The following NR2F6 variants were observed in gnomAD, a reference collection of about 807,000 sequenced individuals.
NR2F6 encodes nuclear receptor subfamily 2 group F member 6.
A neutral mutation model predicts 26.5 loss-of-function variants in NR2F6; 16 were observed. The observed-to-expected ratio is 0.60, with a 90% CI of 0.41 to 0.92. The LOEUF is 0.92. Among genes scored for constraint, NR2F6 ranks in the 40% least tolerant of loss-of-function variants. NR2F6 has a pLI of 0.00. For missense variants in NR2F6, 536 were observed against 631.7 expected (o/e 0.85, Z 1.62); for synonymous variants, 325 against 305.0 (o/e 1.07, Z -0.68).
rs938864779 is a variant in NR2F6 at position 17,236,458 on chromosome 19, C to T, written c.374-393G>A. On this transcript the variant is annotated intron_variant, in intron 2 of 3. Coordinates refer to ENST00000291442, the MANE Select transcript of NR2F6 (RefSeq NM_005234.4). ...GCCAGGCTGGTTAGAAAGTAAGAGT[C>T]CAGGAGTCCCTGTCTAGGTCCAGCC... Among the ~76,000 whole-genome samples, 6 of 151,978 alleles carry T rather than the reference C, an allele frequency of 3.9e-5. No individual in the cohort carries two copies. The East Asian group carries it at 1.2e-3, about 29-fold the overall frequency.
In NR2F6 at chr19:17,245,152, G is replaced by C; in HGVS notation, c.69C>G (p.Gly23=). Residue 23 remains glycine (G), a synonymous_variant, in exon 1 of 4, where the codon GGC becomes GGG. Coordinates refer to ENST00000291442, the MANE Select transcript of NR2F6 (RefSeq NM_005234.4). The surrounding 1 kb of genome is among the most constrained non-coding windows in gnomAD (Gnocchi z 5.0). ...GDTNGVDKAG[G]YPRAAEDDSA... ...AGTCGTCCTCGGCCGCGCGCGGGTAGCCGCCCGCCTTGTCCACGCCGTTCG... is the reference window on the plus strand; with the variant it reads ...AGTCGTCCTCGGCCGCGCGCGGGTACCCGCCCGCCTTGTCCACGCCGTTCG... 7.0e-7 allele frequency: 1 copy of C among 1,429,966 alleles called. No individual in the cohort carries two copies. Among genetic ancestry groups the C allele is most frequent in the Non-Finnish European group, 9.1e-7 (1 of 1,096,238 alleles). 88.6% of individuals were successfully genotyped at this position (1,429,966 alleles called of 1,614,324 possible).
At chr19:17,236,939 A>C (rs889032487) in intron 2 of NR2F6, among the ~76,000 whole-genome samples, 2 of 152,238 alleles carry the variant, frequency 1.3e-5, no homozygotes, top group African/African-American at 2.4e-5. Context: ...CATGAAGAGG[A>C]AGAGAGTTGG....
chr19:17,232,366 C>G lies in NR2F6; in HGVS notation c.1201G>C (p.Gly401Arg). 1 of 1,613,910 alleles carries G rather than the reference C, an allele frequency of 6.2e-7. No homozygotes were observed. The highest frequency in any genetic ancestry group is 8.5e-7 in the Non-Finnish European group (1 of 1,180,028). ...CCCCGTCATGGTCACTGGCCCGAGC[C>G]GTAGGGCCAGTTGAAGGTACTCCCC... The part of the protein sequence containing the change: ...LSGSTFNWPY[G>R]SGQ Residue 401 changes from glycine (G) to arginine (R), a missense_variant, in exon 4 of 4, where the codon GGC becomes CGC. Physicochemically the swap from Gly to Arg is moderately radical, Grantham distance 125. Transcript: ENST00000291442.
intron 3 of NR2F6, 29 bp from the exon 4 acceptor site, chr19:17,232,655 TGGGAGGCAGCTAGAG>T: frequency 6.6e-7 from 1 of 1,512,572 alleles, no homozygotes; most frequent in East Asian, 2.3e-5. Context: ...GTCAGACAGG[TGGGAGGCAGCTAGAG>T]AACACAGAGC....
intron 2 of NR2F6, among the ~76,000 whole-genome samples, chr19:17,239,774 A>T (rs2073459480): frequency 6.6e-6 from 1 of 151,932 alleles, no homozygotes; most frequent in Admixed American, 6.6e-5. Flanking sequence ...AGCTGAGATC[A>T]CACCACTGCA....
Position 17,232,070 on chromosome 19 carries a change from T to C in NR2F6, c.*282A>G. 2.3e-6 allele frequency: 1 copy of C among 438,458 alleles called. No homozygotes were observed. The highest frequency in any genetic ancestry group is 2.7e-5 in the South Asian group (1 of 37,574). 27.2% of individuals were successfully genotyped at this position (438,458 alleles called of 1,614,324 possible). ...CCAACCCCACCATCCCACAAGTTCATGCTAGGGGTGCTGAGGAACAAGGCT... is the reference window on the plus strand; with the variant it reads ...CCAACCCCACCATCCCACAAGTTCACGCTAGGGGTGCTGAGGAACAAGGCT... On this transcript the variant is annotated 3_prime_UTR_variant, in exon 4 of 4. Coordinates refer to ENST00000291442, the MANE Select transcript of NR2F6 (RefSeq NM_005234.4).
Position 17,235,398 on chromosome 19 carries a change from G to T in NR2F6, c.940+101C>A. On this transcript the variant is annotated intron_variant, in intron 3 of 3. Coordinates refer to ENST00000291442, the MANE Select transcript of NR2F6 (RefSeq NM_005234.4). The surrounding 1 kb of genome is among the most constrained non-coding windows in gnomAD (Gnocchi z 5.0). ...GTGCAGGGCCCCAGGCCTAGGGAGCGAGCGGGGCGCTATGGGGGCCGGAGT... is the reference window on the plus strand; with the variant it reads ...GTGCAGGGCCCCAGGCCTAGGGAGCTAGCGGGGCGCTATGGGGGCCGGAGT... 1 of 1,496,618 alleles carries T rather than the reference G, an allele frequency of 6.7e-7. No homozygotes were observed. Among genetic ancestry groups the T allele is most frequent in the South Asian group, 1.3e-5 (1 of 78,280 alleles). 92.7% of individuals were successfully genotyped at this position (1,496,618 alleles called of 1,614,324 possible).
At chr19:17,243,435 G>A (rs1410944524) in intron 1 of NR2F6, among the ~76,000 whole-genome samples, 1 of 152,118 alleles carries the variant, frequency 6.6e-6, no homozygotes, top group Non-Finnish European at 1.5e-5. Flanking sequence ...AACTGACACA[G>A]CACAAACCTG....
At chr19:17,241,540 CT>C (rs988558046) in intron 1 of NR2F6, among the ~76,000 whole-genome samples, 2 of 152,220 alleles carry the variant, frequency 1.3e-5, no homozygotes, top group African/African-American at 4.8e-5. Flanking sequence ...AGGTCCAGGC[CT>C]TATTCTTCAA....
intron 1 of NR2F6, among the ~76,000 whole-genome samples, 191 bp downstream of exon 1, chr19:17,244,752 A>C (rs2073487712): frequency 6.6e-6 from 1 of 152,196 alleles, no homozygotes; most frequent in African/African-American, 2.4e-5. Context: ...GGAACCTGCA[A>C]CGATGTAGCG....
At chr19:17,239,392 T>C (rs1244912050) in intron 2 of NR2F6, among the ~76,000 whole-genome samples, 4 of 131,944 alleles carry the variant, frequency 3.0e-5, no homozygotes, top group South Asian at 4.9e-4. Flanking sequence ...CGCGGTGGCT[T>C]ACGCCTGTAA....
At chr19:17,243,577 C>A (rs1012936219) in intron 1 of NR2F6, among the ~76,000 whole-genome samples, 15 of 152,066 alleles carry the variant, frequency 9.9e-5, no homozygotes, top group Admixed American at 4.6e-4. Context: ...AGAGAGCAGG[C>A]GGTTTTCCAG....
intron 2 of NR2F6, among the ~76,000 whole-genome samples, chr19:17,239,913 C>A (rs1359101956): frequency 6.6e-6 from 1 of 152,168 alleles, no homozygotes; most frequent in Non-Finnish European, 1.5e-5. Context: ...GCCAGCCTGG[C>A]CCACGACACA....
At chr19:17,244,736 G>T (rs1022701118) in intron 1 of NR2F6, among the ~76,000 whole-genome samples, 1 of 146,840 alleles carries the variant, frequency 6.8e-6, no homozygotes, top group African/African-American at 2.5e-5. Context: ...ACCACCTGAT[G>T]GGGGGGGAAC....
chr19:17,238,496 G>A (rs1200336682), intron 2 of NR2F6, among the ~76,000 whole-genome samples: 1 of 152,172 alleles, frequency 6.6e-6, no homozygotes, highest in Non-Finnish European at 1.5e-5. Context: ...CCGTGCAAAG[G>A]ACCCGAGGCA....
Position 17,240,850 on chromosome 19 carries a change from C to T in NR2F6, c.279-85G>A, listed in dbSNP as rs1015032134. ...CCTATGAGCCGCCTTTGGAGGCTGCCCCTCAGAAATACTAGTAGGGGCCCT... is the reference window on the plus strand; with the variant it reads ...CCTATGAGCCGCCTTTGGAGGCTGCTCCTCAGAAATACTAGTAGGGGCCCT... On this transcript the variant is annotated intron_variant, in intron 1 of 3. Coordinates refer to ENST00000291442, the MANE Select transcript of NR2F6 (RefSeq NM_005234.4). The T allele has an allele frequency of 5.1e-6, 7 of 1,367,550 alleles. No individual in the cohort carries two copies. In the African/African-American group the frequency reaches 1.0e-4, roughly 20 times the overall value. 84.7% of individuals were successfully genotyped at this position (1,367,550 alleles called of 1,614,324 possible).
rs1004465125 is a variant in NR2F6, at chr19:17,245,746, G to C, written c.-526C>G. The C allele has an allele frequency of 6.9e-6, 1 of 145,686 alleles. No homozygotes were observed. Among genetic ancestry groups the C allele is most frequent in the Admixed American group, 6.8e-5 (1 of 14,704 alleles). 9.0% of individuals were successfully genotyped at this position (145,686 alleles called of 1,614,324 possible). On this transcript the variant is annotated 5_prime_UTR_variant, in exon 1 of 4. Transcript: ENST00000291442. The surrounding 1 kb of genome is among the most constrained non-coding windows in gnomAD (Gnocchi z 5.0). ...ATCGCCGCGCCCCCTGGGTCCCCCG[G>C]CGCCCGCGGCTGCCGCTCCGGGCCT...
chr19:17,239,134 C>T (rs575749713), intron 2 of NR2F6, among the ~76,000 whole-genome samples: 1 of 151,794 alleles, frequency 6.6e-6, no homozygotes, highest in Non-Finnish European at 1.5e-5. Flanking sequence ...ATCAGGAGAT[C>T]GAGACCATCC....
chr19:17,237,261 C>G (rs111409673), intron 2 of NR2F6, among the ~76,000 whole-genome samples: 1,667 of 152,232 alleles, frequency 0.011, 33 homozygotes, highest in African/African-American at 0.039. Context: ...CTCCAGGAAG[C>G]TTCCTCCCGC....
Sources: allele counts gnomAD v4.1 joint callset (sites outside exome capture counted in the v4.1 genomes callset), GRCh38; gene constraint gnomAD v4.1.1; non-coding constraint Gnocchi (gnomAD v3.1); transcripts MANE v1.5; gene names NCBI Gene and HGNC (gene_info 2026-07-23, HGNC 2026-07-21).